The following GPC5 variants were observed in gnomAD, a reference collection of about 807,000 sequenced individuals.
GPC5 encodes glypican 5, also known as glypican-5.
In GPC5, 47 loss-of-function variants were observed where a neutral mutation model predicts 53.9. That is an observed-to-expected ratio of 0.87 (90% CI 0.69 to 1.11). The LOEUF (loss-of-function observed/expected upper bound fraction) is 1.11. Ranked by LOEUF, GPC5 falls within the 50% of genes most tolerant of loss-of-function variation. The pLI is 0.00. For synonymous variants in GPC5, 286 were observed against 263.3 expected (o/e 1.09, Z -0.84); for missense variants, 748 against 713.1 (o/e 1.05, Z -0.56).
chr13:91,619,020 T>C (rs1163937505), intron 2 of GPC5, among the ~76,000 whole-genome samples: 1 of 152,092 alleles, frequency 6.6e-6, no homozygotes, highest in Non-Finnish European at 1.5e-5. Context: ...AGAGGAAATT[T>C]GGCATTCTTT....
intron 7 of GPC5, among the ~76,000 whole-genome samples, chr13:92,627,930 A>T (rs1885098735): frequency 6.6e-6 from 1 of 152,194 alleles, no homozygotes; most frequent in South Asian, 2.1e-4. Flanking sequence ...CTTCCTGGAC[A>T]GTATATTTTT....
intron 7 of GPC5, among the ~76,000 whole-genome samples, chr13:92,707,512 T>C (rs1321339620): frequency 1.3e-5 from 2 of 152,042 alleles, no homozygotes; most frequent in Non-Finnish European, 2.9e-5. Flanking sequence ...GCTCACTGAA[T>C]AGCACAGATT....
chr13:92,738,228 A>T (rs980131708), intron 7 of GPC5, among the ~76,000 whole-genome samples: 1 of 152,036 alleles, frequency 6.6e-6, no homozygotes, highest in Non-Finnish European at 1.5e-5. Flanking sequence ...TTTCCAGGAG[A>T]TAAAACTCCT....
chr13:91,689,720 G>T (rs142678218), intron 2 of GPC5, among the ~76,000 whole-genome samples: 1 of 151,444 alleles, frequency 6.6e-6, no homozygotes, highest in East Asian at 1.9e-4. Context: ...CAATATCACC[G>T]TCTTCCGCCT....
intron 7 of GPC5, among the ~76,000 whole-genome samples, chr13:92,492,987 T>C (rs1879823246): frequency 6.6e-6 from 1 of 152,206 alleles, no homozygotes; most frequent in Admixed American, 6.5e-5. Context: ...CAAATGGCTG[T>C]TCTCTCACAA....
chr13:92,579,295 CTCT>C, intron 7 of GPC5, among the ~76,000 whole-genome samples: 1 of 80,424 alleles, frequency 1.2e-5, no homozygotes, highest in African/African-American at 6.0e-5. Flanking sequence ...CTCTCTCTCT[CTCT>C]CTCCCTCCCT....
chr13:92,294,681 G>C (rs547082392), intron 7 of GPC5, among the ~76,000 whole-genome samples: 1 of 151,794 alleles, frequency 6.6e-6, no homozygotes, highest in East Asian at 1.9e-4. Flanking sequence ...CTGTTTTGTT[G>C]CTTTCAATTT....
intron 6 of GPC5, among the ~76,000 whole-genome samples, chr13:92,067,182 C>T (rs1450630406): frequency 6.6e-6 from 1 of 151,996 alleles, no homozygotes; most frequent in Non-Finnish European, 1.5e-5. Flanking sequence ...ACTATTTGCT[C>T]CGTTTCCACA....
At chr13:91,926,865 A>G (rs1435505519) in intron 6 of GPC5, among the ~76,000 whole-genome samples, 1 of 152,198 alleles carries the variant, frequency 6.6e-6, no homozygotes, top group Non-Finnish European at 1.5e-5. Flanking sequence ...CAAAAGTACT[A>G]TTTGAACTCT....
intron 7 of GPC5, among the ~76,000 whole-genome samples, chr13:92,613,557 T>C (rs182133380): frequency 2.1e-4 from 27 of 126,932 alleles, no homozygotes; most frequent in African/African-American, 7.4e-4. Flanking sequence ...ATAATTTATA[T>C]ACAATAATAT....
chr13:91,700,841 C>T (rs1020423152), intron 3 of GPC5, among the ~76,000 whole-genome samples: 8 of 152,192 alleles, frequency 5.3e-5, no homozygotes, highest in Middle Eastern at 3.4e-3. Flanking sequence ...ATCTCTTATC[C>T]CAATATTATG....
At chr13:92,455,549 A>G (rs1482208527) in intron 7 of GPC5, among the ~76,000 whole-genome samples, 5 of 152,228 alleles carry the variant, frequency 3.3e-5, no homozygotes, top group Admixed American at 6.5e-5. Flanking sequence ...AATGTATACT[A>G]TGAATAGATT....
intron 7 of GPC5, among the ~76,000 whole-genome samples, chr13:92,716,395 T>A (rs1205627695): frequency 1.3e-5 from 2 of 151,986 alleles, no homozygotes; most frequent in African/African-American, 2.4e-5. Context: ...TTTCCTCTCA[T>A]CTTTCAAGAT....
intron 2 of GPC5, among the ~76,000 whole-genome samples, chr13:91,488,963 A>C (rs188581732): frequency 2.7e-4 from 41 of 152,218 alleles, no homozygotes; most frequent in African/African-American, 7.0e-4. Flanking sequence ...TTATGGTCGT[A>C]GCTGTGGGAT....
chr13:92,831,859 A>G (rs528776411), intron 7 of GPC5, among the ~76,000 whole-genome samples: 2 of 152,222 alleles, frequency 1.3e-5, no homozygotes, highest in Non-Finnish European at 2.9e-5. Flanking sequence ...TTACCCTTAC[A>G]ATTTATGTGC....
chr13:91,483,776 A>G (rs1422131981), intron 2 of GPC5, among the ~76,000 whole-genome samples: 1 of 152,264 alleles, frequency 6.6e-6, no homozygotes, highest in Non-Finnish European at 1.5e-5. Context: ...GAAACTCCAA[A>G]TTTAAGCAAA....
intron 7 of GPC5, among the ~76,000 whole-genome samples, chr13:92,177,411 C>T (rs576487143): frequency 2.4e-4 from 37 of 152,298 alleles, no homozygotes; most frequent in Middle Eastern, 3.4e-3. Flanking sequence ...AATGATTAAC[C>T]TATCTTGATG....
chr13:92,282,813 GC>G (rs1275742318), intron 7 of GPC5, among the ~76,000 whole-genome samples: 2 of 152,156 alleles, frequency 1.3e-5, no homozygotes, highest in African/African-American at 4.8e-5. Context: ...GACCATCGAT[GC>G]TAGGAAAAAA....
At position 92,385,693 on chromosome 13, in the gene GPC5, C is replaced by CTATATACACA. The variant is rs201679286; in HGVS notation, c.1561+240723_1561+240732dup. 1.5e-4 allele frequency among the ~76,000 whole-genome samples: 20 copies of CTATATACACA among 134,766 alleles called. No individual in the cohort carries two copies. In the East Asian group the frequency reaches 3.9e-3, roughly 27 times the overall value. The allele number at this position is 134,766 out of a possible 152,430, so 88.4% of individuals were successfully genotyped here. Reference sequence around the variant, plus strand: ...TATACATATATACACACATATATACCTATATACACATATATACACATATAT... The same window carrying CTATATACACA: ...TATACATATATACACACATATATACCTATATACACATATATACACATATATACACATATAT... On this transcript the variant is annotated intron_variant, in intron 7 of 7. Coordinates refer to ENST00000377067, the MANE Select transcript of GPC5 (RefSeq NM_004466.6).
Sources: gnomAD v4.1 joint callset for allele counts (sites outside exome capture counted in the v4.1 genomes callset) on GRCh38, gnomAD v4.1.1 for gene constraint, MANE v1.5 for transcripts, NCBI Gene and HGNC (gene_info 2026-07-23, HGNC 2026-07-21) for gene names.